The following TRIP4 variants were observed in gnomAD, a reference collection of about 807,000 sequenced individuals.
TRIP4 encodes the protein thyroid hormone receptor interactor 4.
TRIP4 carries 54 observed loss-of-function variants against 81.8 expected under a neutral mutation model. That is an observed-to-expected ratio of 0.66 (90% CI 0.53 to 0.83). The LOEUF (loss-of-function observed/expected upper bound fraction) is 0.83, where lower values mean the gene tolerates loss of function less well. Among genes scored for constraint, TRIP4 ranks in the 40% least tolerant of loss-of-function variants. The pLI is 0.00. For synonymous variants in TRIP4, 270 were observed against 242.8 expected, an observed-to-expected ratio of 1.11 and a Z score of -1.04; for missense variants, 662 against 683.6, an observed-to-expected ratio of 0.97 and a Z score of 0.35.
At chr15:64,417,487 A>G (rs1215702373) in intron 8 of TRIP4, among the ~76,000 whole-genome samples, 2 of 152,162 alleles carry the variant, frequency 1.3e-5, no homozygotes, top group East Asian at 1.9e-4. Context: ...AACCCCAAAT[A>G]TCATCATGCT....
intron 12 of TRIP4, among the ~76,000 whole-genome samples, chr15:64,454,627 C>T (rs114265704): frequency 0.013 from 1,976 of 152,248 alleles, 33 homozygotes; most frequent in African/African-American, 0.046. Context: ...GTTAACAGGT[C>T]ACAGGAATGG....
At chr15:64,444,232 A>G (rs1488614922) in intron 11 of TRIP4, among the ~76,000 whole-genome samples, 1 of 152,224 alleles carries the variant, frequency 6.6e-6, no homozygotes, top group Non-Finnish European at 1.5e-5. Flanking sequence ...TGTGCTAAAC[A>G]TAAGACATAG....
intron 11 of TRIP4, among the ~76,000 whole-genome samples, chr15:64,432,033 C>T (rs746119349): frequency 1.7e-4 from 26 of 150,590 alleles, no homozygotes; most frequent in Non-Finnish European, 2.5e-4. Flanking sequence ...ATTGCAGGTA[C>T]GCACCACCAC....
chr15:64,440,517 T>C (rs973547198), intron 11 of TRIP4, among the ~76,000 whole-genome samples: 5 of 151,990 alleles, frequency 3.3e-5, no homozygotes, highest in Non-Finnish European at 7.4e-5. Flanking sequence ...TTAATGCATT[T>C]GATAATGAAA....
At chr15:64,429,853 G>A (rs1293049244) in intron 11 of TRIP4, among the ~76,000 whole-genome samples, 1 of 152,090 alleles carries the variant, frequency 6.6e-6, no homozygotes, top group African/African-American at 2.4e-5. Flanking sequence ...AACTAATGTG[G>A]ATCTAGTAAT....
chr15:64,411,013 A>G (rs1007613828), intron 7 of TRIP4, among the ~76,000 whole-genome samples: 3 of 152,114 alleles, frequency 2.0e-5, no homozygotes, highest in Non-Finnish European at 4.4e-5. Flanking sequence ...TTTGGCTTAA[A>G]TTTTTTTTAA....
intron 6 of TRIP4, among the ~76,000 whole-genome samples, chr15:64,409,058 C>A (rs1891699962): frequency 6.6e-6 from 1 of 151,910 alleles, no homozygotes; most frequent in South Asian, 2.1e-4. Flanking sequence ...ACTAAAAATA[C>A]AAAAATTAGC....
At chr15:64,442,597 T>C (rs116652348) in intron 11 of TRIP4, among the ~76,000 whole-genome samples, 1,957 of 145,656 alleles carry the variant, frequency 0.013, 33 homozygotes, top group African/African-American at 0.048. Flanking sequence ...AGAAAAGAAT[T>C]CTATCTTTGG....
intron 12 of TRIP4, among the ~76,000 whole-genome samples, chr15:64,445,422 C>T (rs554020053): frequency 3.4e-5 from 5 of 148,574 alleles, no homozygotes; most frequent in Admixed American, 2.0e-4. Flanking sequence ...GTCAAGAGAT[C>T]GAGACCATCC....
intron 5 of TRIP4, among the ~76,000 whole-genome samples, chr15:64,405,163 T>C (rs889407628): frequency 7.9e-5 from 12 of 151,908 alleles, no homozygotes; most frequent in African/African-American, 2.7e-4. Flanking sequence ...CTTTTCTTTT[T>C]TTTTTTTTTG....
chr15:64,451,425 TA>T (rs1892753712), intron 12 of TRIP4, among the ~76,000 whole-genome samples: 1 of 149,822 alleles, frequency 6.7e-6, no homozygotes, highest in Non-Finnish European at 1.5e-5. Flanking sequence ...CACTTTAATA[TA>T]TATTATTTCA....
chr15:64,450,409 A>AAAAAAAG (rs1892730830), intron 12 of TRIP4, among the ~76,000 whole-genome samples: 1 of 150,948 alleles, frequency 6.6e-6, no homozygotes, highest in African/African-American at 2.4e-5. Flanking sequence ...AAAAAAAAAA[A>AAAAAAAG]AAAAAGAAAG....
At chr15:64,448,910 G>C (rs2140315973) in intron 12 of TRIP4, among the ~76,000 whole-genome samples, 2 of 152,132 alleles carry the variant, frequency 1.3e-5, no homozygotes, top group African/African-American at 4.8e-5. Context: ...AAGTTTAATA[G>C]CAATAATATT....
chr15:64,431,847 A>ATATATATTTTTT lies in TRIP4; in HGVS notation c.1575+6217_1575+6218insATATATTTTTTT. On this transcript the variant is annotated intron_variant, in intron 11 of 12. Transcript: ENST00000261884. ...CCATTTATATTATATATATATATAT[A>ATATATATTTTTT]TTTTTTTTATCCAAAGAGCATTGTG... 7.2e-3 allele frequency among the ~76,000 whole-genome samples: 862 copies of ATATATATTTTTT among 119,534 alleles called. 6 individuals are homozygous for ATATATATTTTTT. The highest frequency in any genetic ancestry group is 0.024 in the South Asian group (98 of 4,010). 78.4% of individuals were successfully genotyped at this position (119,534 alleles called of 152,430 possible). A position where few individuals can be genotyped will look rare whatever the true frequency, so the allele number is the denominator to read the frequency against.
chr15:64,451,532 T>C (rs1255976434), intron 12 of TRIP4, among the ~76,000 whole-genome samples: 2 of 140,550 alleles, frequency 1.4e-5, no homozygotes, highest in Admixed American at 1.6e-4. Context: ...AGTGTAGTGG[T>C]GTGAACTCGG....
chr15:64,426,430 T>C (rs1360466507), intron 11 of TRIP4, among the ~76,000 whole-genome samples: 3 of 152,178 alleles, frequency 2.0e-5, no homozygotes, highest in African/African-American at 4.8e-5. Context: ...TCGGGCGCAG[T>C]GGCTTACACC....
intron 5 of TRIP4, among the ~76,000 whole-genome samples, chr15:64,402,635 T>C (rs928469391): frequency 6.6e-6 from 1 of 151,900 alleles, no homozygotes; most frequent in African/African-American, 2.4e-5. Flanking sequence ...GTGATTCTCC[T>C]GCTTCAGCCT....
At chr15:64,406,844 G>T (rs572234655) in intron 6 of TRIP4, among the ~76,000 whole-genome samples, 52 of 152,274 alleles carry the variant, frequency 3.4e-4, no homozygotes, top group Middle Eastern at 6.8e-3. Flanking sequence ...GCCTCTGGGA[G>T]AACACAGGTT....
chr15:64,390,412 T>G, intron 1 of TRIP4, among the ~76,000 whole-genome samples: 1 of 150,370 alleles, frequency 6.7e-6, no homozygotes, highest in East Asian at 2.0e-4. Flanking sequence ...AGTGAGCTGA[T>G]ACCGCACCAC....
Sources: allele counts gnomAD v4.1 joint callset (sites outside exome capture counted in the v4.1 genomes callset), GRCh38; gene constraint gnomAD v4.1.1; transcripts MANE v1.5; gene names NCBI Gene and HGNC (gene_info 2026-07-23, HGNC 2026-07-21).